TTC34: variants seen among roughly 807,000 people sequenced by gnomAD.
The protein encoded by TTC34 is tetratricopeptide repeat domain 34.
A neutral mutation model predicts 40.7 loss-of-function variants in TTC34; 44 were observed. The observed-to-expected ratio is 1.08, with a 90% confidence interval of 0.85 to 1.39. TTC34 has a LOEUF of 1.39. Among genes scored for constraint, TTC34 ranks in the 40% most tolerant of loss-of-function variants. The pLI, the probability that TTC34 is intolerant of heterozygous loss-of-function variation, is 0.00. For synonymous variants in TTC34, 422 were observed against 398.6 expected, an observed-to-expected ratio of 1.06 and a Z score of -0.70; for missense variants, 884 against 838.0, an observed-to-expected ratio of 1.05 and a Z score of -0.68.
At chr1:2,752,873 T>C (rs1355571029) in intron 6 of TTC34, among the ~76,000 whole-genome samples, 81 of 116,280 alleles carry the variant, frequency 7.0e-4, no homozygotes, top group African/African-American at 9.5e-4. Context: ...GAGCATCTGA[T>C]GGCCTGGAAC....
chr1:2,789,497 C>T lies in TTC34; in HGVS notation c.1628+6G>A. On this transcript the variant is annotated splice_donor_region_variant and intron_variant, in intron 3 of 8. Coordinates refer to ENST00000401095, the Ensembl canonical transcript of TTC34. ...GCGGCCCCAGCGTGCCCGGGCGGGT[C>T]CTCACCCCTCCTGCGTGGTGGGGCC... 6.6e-7 allele frequency: 1 copy of T among 1,507,236 alleles called. No individual in the cohort carries two copies. Among genetic ancestry groups the T allele is most frequent in the Non-Finnish European group, 8.8e-7 (1 of 1,131,918 alleles). 93.4% of individuals were successfully genotyped at this position (1,507,236 alleles called of 1,614,324 possible).
At chr1:2,685,302 T>C (rs1247317121) in intron 6 of TTC34, among the ~76,000 whole-genome samples, 3 of 109,460 alleles carry the variant, frequency 2.7e-5, no homozygotes, top group Non-Finnish European at 5.4e-5. Flanking sequence ...TCCCACAGCC[T>C]GGAGCAGCAC....
rs377517239 is a variant in TTC34, at chr1:2,650,179, A to G, written c.2227-4616T>C. Among the ~76,000 whole-genome samples the G allele has an allele frequency of 8.3e-5, 12 of 144,988 alleles. No homozygotes were observed. In the East Asian group the frequency reaches 2.4e-3, roughly 29 times the overall value. On this transcript the variant is annotated intron_variant, in intron 6 of 8. Coordinates refer to ENST00000401095, the Ensembl canonical transcript of TTC34. ...GCCTGGAATGGCACTCTACACCCTC[A>G]GGTGAGCTTCTGACAGCCTGGAATG...
At chr1:2,775,306 C>G (rs1278271923) in intron 6 of TTC34, 1 of 151,410 alleles carries the variant, frequency 6.6e-6, no homozygotes, top group Non-Finnish European at 1.5e-5. Context: ...ACAGAATTCT[C>G]CAACCCCAGG....
intron 6 of TTC34, among the ~76,000 whole-genome samples, chr1:2,692,012 T>G (rs199940072): frequency 0.012 from 67 of 5,430 alleles, no homozygotes; most frequent in Admixed American, 0.014. Context: ...ACAGCATGTA[T>G]CAGCACCCAC....
At chr1:2,756,826 C>A (rs1470203376) in intron 6 of TTC34, among the ~76,000 whole-genome samples, 10,821 of 96,840 alleles carry the variant, frequency 0.11, 116 homozygotes, top group African/African-American at 0.19. Context: ...AGAACCCACA[C>A]CCCGAGGCGA....
chr1:2,660,785 C>A (rs1167676523), intron 6 of TTC34, among the ~76,000 whole-genome samples: 1 of 136,062 alleles, frequency 7.3e-6, no homozygotes, highest in Non-Finnish European at 1.6e-5. Flanking sequence ...TGGAGCAGCA[C>A]CCACACCCCC....
intron 6 of TTC34, among the ~76,000 whole-genome samples, chr1:2,654,843 G>GC (rs1639285579): frequency 2.0e-5 from 3 of 151,912 alleles, no homozygotes; most frequent in Non-Finnish European, 2.9e-5. Flanking sequence ...GCCTGGAACA[G>GC]AACCCTGCAC....
rs1553171534 is a variant in TTC34, at chr1:2,792,033, T to TTTTTTTTTTTTTTTA, written c.785-1688_785-1687insTAAAAAAAAAAAAAA. Among the ~76,000 whole-genome samples, 73 of 107,156 alleles carry TTTTTTTTTTTTTTTA rather than the reference T, an allele frequency of 6.8e-4. 10 individuals are homozygous for TTTTTTTTTTTTTTTA. Among genetic ancestry groups the TTTTTTTTTTTTTTTA allele is most frequent in the African/African-American group, 2.0e-3 (50 of 25,022 alleles). 70.3% of individuals were successfully genotyped at this position (107,156 alleles called of 152,430 possible). ...TTTTTTTTTTTTTTTTTTTTTTTTTTAAAGACAGGGTCTTGCTCCATCACC... is the reference window on the plus strand; with the variant it reads ...TTTTTTTTTTTTTTTTTTTTTTTTTTTTTTTTTTTTTTTTAAAAGACAGGGTCTTGCTCCATCACC... On this transcript the variant is annotated intron_variant, in intron 2 of 8. Transcript: ENST00000401095.
rs1174504224 is a variant in TTC34, at chr1:2,752,030, G to T, written c.2226+31579C>A. ...CACACACCCAGCTGAGCATCTGACAGCGTGGAGCAGCACCGACACCCCCAG... is the reference window on the plus strand; with the variant it reads ...CACACACCCAGCTGAGCATCTGACATCGTGGAGCAGCACCGACACCCCCAG... On this transcript the variant is annotated intron_variant, in intron 6 of 8. Coordinates refer to ENST00000401095, the Ensembl canonical transcript of TTC34. Among the ~76,000 whole-genome samples, 29 of 94,794 alleles carry T rather than the reference G, an allele frequency of 3.1e-4. 7 individuals carry two copies. The highest frequency in any genetic ancestry group is 1.4e-3 in the African/African-American group (27 of 19,624). The allele number at this position is 94,794 out of a possible 152,430, so 62.2% of individuals were successfully genotyped here. A position where few individuals can be genotyped will look rare whatever the true frequency, so the allele number is the denominator to read the frequency against.
At chr1:2,762,073 C>G (rs1641697266) in intron 6 of TTC34, among the ~76,000 whole-genome samples, 1 of 61,144 alleles carries the variant, frequency 1.6e-5, no homozygotes, top group Non-Finnish European at 2.6e-5. Flanking sequence ...ATCTGACAGC[C>G]TGGAGCAGCA....
exon 2 of TTC34, chr1:2,800,397 G>A (rs914063663): frequency 5.0e-6 from 2 of 398,382 alleles, no homozygotes; most frequent in Admixed American, 4.4e-5. Flanking sequence ...CCAGGCGAGG[G>A]CGCGGGTCAG....
chr1:2,748,909 C>A (rs1379481398), intron 6 of TTC34, among the ~76,000 whole-genome samples: 2 of 111,208 alleles, frequency 1.8e-5, no homozygotes, highest in Non-Finnish European at 3.4e-5. Flanking sequence ...CAGCCTGGAA[C>A]AGAACCCACA....
Position 2,787,721 on chromosome 1 carries a change from G to T in TTC34, c.1629-15C>A. ...CGCAGGCGACCCTGTGTGGAGATCA[G>T]CTCAGGGGGGCATGCCCCTTTTGAC... is the stretch of plus-strand genomic sequence containing the variant. On this transcript the variant is annotated splice_polypyrimidine_tract_variant and intron_variant, in intron 3 of 8. Transcript: ENST00000401095. The T allele has an allele frequency of 6.6e-7, 1 of 1,509,436 alleles. No homozygotes were observed. The highest frequency in any genetic ancestry group is 8.9e-7 in the Non-Finnish European group (1 of 1,119,866). The allele number at this position is 1,509,436 out of a possible 1,614,324, so 93.5% of individuals were successfully genotyped here. A position where few individuals can be genotyped will look rare whatever the true frequency, so the allele number is the denominator to read the frequency against.
chr1:2,753,391 T>G (rs1266911836), intron 6 of TTC34, among the ~76,000 whole-genome samples: 16 of 97,972 alleles, frequency 1.6e-4, no homozygotes, highest in East Asian at 1.1e-3. Flanking sequence ...GGCGAGCATC[T>G]GACAGCATGT....
intron 6 of TTC34, among the ~76,000 whole-genome samples, chr1:2,673,406 G>C (rs1440920553): frequency 1.2e-5 from 1 of 80,264 alleles, no homozygotes; most frequent in East Asian, 2.8e-4. Flanking sequence ...CCCCAGGTGA[G>C]CATCTGATGG....
intron 6 of TTC34, among the ~76,000 whole-genome samples, chr1:2,755,908 A>T (rs1321023819): frequency 1.3e-5 from 1 of 79,556 alleles, no homozygotes; most frequent in Non-Finnish European, 2.2e-5. Flanking sequence ...CCACACCCCC[A>T]GGTGAGCATC....
chr1:2,660,723 A>T (rs796496220), intron 6 of TTC34, among the ~76,000 whole-genome samples: 1 of 302 alleles, frequency 3.3e-3, no homozygotes, highest in African/African-American at 6.0e-3. Flanking sequence ...CCAGGTGAGC[A>T]TCTGACATCG....
chr1:2,653,867 A>ACAACC (rs1639239957), intron 6 of TTC34, among the ~76,000 whole-genome samples: 111 of 141,054 alleles, frequency 7.9e-4, no homozygotes, highest in Middle Eastern at 3.7e-3. Context: ...TGAGCATCTG[A>ACAACC]TGGTCTGGAG....
Sources: gnomAD v4.1 joint callset for allele counts (sites outside exome capture counted in the v4.1 genomes callset) on GRCh38, gnomAD v4.1.1 for gene constraint, MANE v1.5 for transcripts, NCBI Gene and HGNC (gene_info 2026-07-23, HGNC 2026-07-21) for gene names.